UBR1: variants seen among roughly 807,000 people sequenced by gnomAD.
UBR1 encodes the protein E3 ubiquitin-protein ligase UBR1.
Under a neutral mutation model 242.1 loss-of-function variants are expected in UBR1, and 102 were observed. The observed-to-expected ratio is 0.42, with a 90% CI of 0.36 to 0.50. The LOEUF is 0.50. Ranked by LOEUF, UBR1 falls within the 20% of genes least tolerant of loss-of-function variation. UBR1 has a pLI of 0.01. For synonymous variants in UBR1, 675 were observed against 684.8 expected, an observed-to-expected ratio of 0.99 and a Z score of 0.22; for missense variants, 1,772 against 2,101.8, an observed-to-expected ratio of 0.84 and a Z score of 3.07.
rs879896059 is a variant in UBR1 at position 42,995,503 on chromosome 15, C to CA, written c.3757+2664dup. ...TGAAACCCCGTCTCTACTAAAAATA[C>CA]AAAAAAAAAAAAAAATTAGCTGGGC... is the stretch of plus-strand genomic sequence containing the variant. On this transcript the variant is annotated intron_variant, in intron 33 of 46. Transcript: ENST00000290650. Among the ~76,000 whole-genome samples, 633 of 94,014 alleles carry CA rather than the reference C, an allele frequency of 6.7e-3. 4 individuals carry two copies. Among genetic ancestry groups the CA allele is most frequent in the South Asian group, 0.027 (83 of 3,076 alleles). The allele number at this position is 94,014 out of a possible 152,430, so 61.7% of individuals were successfully genotyped here.
intron 37 of UBR1, among the ~76,000 whole-genome samples, chr15:42,982,791 G>A (rs921149926): frequency 9.9e-5 from 15 of 152,152 alleles, no homozygotes; most frequent in African/African-American, 2.9e-4. Flanking sequence ...GATTTAAAGC[G>A]TAAAAAATCT....
At position 43,025,433 on chromosome 15, in the gene UBR1, T is replaced by TA. The variant is rs762394570; in HGVS notation, c.2536-5dup. On this transcript the variant is annotated splice_region_variant and splice_polypyrimidine_tract_variant and intron_variant, in intron 23 of 46. Coordinates refer to ENST00000290650, the MANE Select transcript of UBR1 (RefSeq NM_174916.3). ...TTTTCTTCTGCATATGTTCAGCCTATAAAAAAATCTATCATTAAATATACT... is the reference window on the plus strand; with the variant it reads ...TTTTCTTCTGCATATGTTCAGCCTATAAAAAAAATCTATCATTAAATATACT... 15 of 1,598,160 alleles carry TA rather than the reference T, an allele frequency of 9.4e-6. No individual in the cohort carries two copies. The highest frequency in any genetic ancestry group is 8.4e-5 in the Admixed American group (5 of 59,612).
At chr15:43,034,719 C>T (rs561980922) in intron 19 of UBR1, among the ~76,000 whole-genome samples, 4 of 151,814 alleles carry the variant, frequency 2.6e-5, no homozygotes, top group Non-Finnish European at 5.9e-5. Flanking sequence ...AACCCTGTCT[C>T]TACTAAAAAT....
At chr15:43,037,470 A>C (rs1329510208) in intron 17 of UBR1, among the ~76,000 whole-genome samples, 1 of 152,196 alleles carries the variant, frequency 6.6e-6, no homozygotes, top group Non-Finnish European at 1.5e-5. Context: ...GGAAAGACTA[A>C]AGGCCTCTAA....
At chr15:43,029,025 C>T (rs1247786192) in intron 21 of UBR1, among the ~76,000 whole-genome samples, 1 of 152,096 alleles carries the variant, frequency 6.6e-6, no homozygotes, top group Non-Finnish European at 1.5e-5. Context: ...ACGGAGGTTG[C>T]AGTGAGCCAA....
At position 43,038,205 on chromosome 15, in the gene UBR1, C is replaced by T; in HGVS notation, c.1877G>A (p.Gly626Asp). 1 of 1,614,046 alleles carries T rather than the reference C, an allele frequency of 6.2e-7. No individual in the cohort carries two copies. The highest frequency in any genetic ancestry group is 1.1e-5 in the South Asian group (1 of 91,080). The change falls in exon 16 of 47, where the codon GGT becomes GAT. Residue 626 changes from glycine (G) to aspartate (D), a missense_variant. By Grantham distance (94) the Gly-to-Asp change is moderately conservative. This residue lies in a region of UBR1 where 734 missense variants were observed against 893.3 expected (regional missense o/e 0.82). Transcript: ENST00000290650. ...AAATTCATGCAGTCTTGAAACAGCA[C>T]CCAGCCTGCTTAAACGTACATGAAG... ...AGLHVRLSRLGAVSRLHEFVS... is the reference protein window; with the variant it reads ...AGLHVRLSRLDAVSRLHEFVS...
chr15:43,059,986 T>C (rs1205077304), intron 7 of UBR1, 66 bp downstream of exon 7: 49 of 1,584,660 alleles, frequency 3.1e-5, no homozygotes, highest in Non-Finnish European at 4.2e-5. Flanking sequence ...CAAATTATTC[T>C]ACTTGGGCTC....
chr15:43,078,136 AC>A lies in UBR1; in HGVS notation c.418-3048del, dbSNP rs367888434. 2.8e-4 allele frequency among the ~76,000 whole-genome samples: 42 copies of A among 152,318 alleles called. No individual in the cohort carries two copies. In the Middle Eastern group the frequency reaches 0.01, roughly 37 times the overall value. On this transcript the variant is annotated intron_variant, in intron 3 of 46. Transcript: ENST00000290650. ...AAACACTGAAACACAGAAAAAAGTCACCCCCAAAAGAGAAAGCCCAATGCTA... is the reference window on the plus strand; with the variant it reads ...AAACACTGAAACACAGAAAAAAGTCACCCCAAAAGAGAAAGCCCAATGCTA...
chr15:43,105,902 C>T (rs372429045), intron 1 of UBR1, 40 bp downstream of exon 1: 8 of 1,596,044 alleles, frequency 5.0e-6, no homozygotes, highest in Non-Finnish European at 6.0e-6. Context: ...TAGGGAGGGA[C>T]CGGGGGGAGG....
At position 43,023,598 on chromosome 15, in the gene UBR1, C is replaced by CAA. The variant is rs35071600; in HGVS notation, c.2740-799_2740-798dup. On this transcript the variant is annotated intron_variant, in intron 25 of 46. Coordinates refer to ENST00000290650, the MANE Select transcript of UBR1 (RefSeq NM_174916.3). ...CTGGGTGACAAGTGAAACTCCATCT[C>CAA]AAAAAAAAAAAAAAAAAAAAAAAAA... 4.4e-3 allele frequency among the ~76,000 whole-genome samples: 176 copies of CAA among 39,990 alleles called. 10 individuals are homozygous for CAA. Among genetic ancestry groups the CAA allele is most frequent in the African/African-American group, 0.018 (144 of 8,010 alleles). The allele number at this position is 39,990 out of a possible 152,430, so 26.2% of individuals were successfully genotyped here.
rs1316102091 is a variant in UBR1, at chr15:43,076,224, C to T, written c.418-1135G>A. On this transcript the variant is annotated intron_variant, in intron 3 of 46. Transcript: ENST00000290650. ...CTCCAGCCCCTAACCGCGAGTGATC[C>T]GCCAGCCTCGGCCTCCCGAGGCGCC... Among the ~76,000 whole-genome samples, 4 of 152,044 alleles carry T rather than the reference C, an allele frequency of 2.6e-5. No individual in the cohort carries two copies. The East Asian group carries it at 7.7e-4, about 29-fold the overall frequency.
chr15:43,022,392 C>G (rs1838015825), intron 26 of UBR1, among the ~76,000 whole-genome samples: 1 of 147,894 alleles, frequency 6.8e-6, no homozygotes, highest in Non-Finnish European at 1.5e-5. Flanking sequence ...TTTGATAATA[C>G]TGAGATGAGG....
At chr15:43,071,633 A>AT (rs1236432047) in intron 4 of UBR1, among the ~76,000 whole-genome samples, 8 of 152,226 alleles carry the variant, frequency 5.3e-5, no homozygotes, top group African/African-American at 1.9e-4. Context: ...ATGCTTAACC[A>AT]TAAAAAAAAA....
intron 21 of UBR1, among the ~76,000 whole-genome samples, chr15:43,029,729 C>A (rs554860418): frequency 2.1e-4 from 32 of 152,148 alleles, no homozygotes; most frequent in Non-Finnish European, 3.8e-4. Context: ...CTTTTTTCCT[C>A]TGGAGTAATC....
chr15:43,011,887 A>C, intron 29 of UBR1: 1 of 451,772 alleles, frequency 2.2e-6, no homozygotes, highest in South Asian at 1.6e-5. Context: ...CTATTATATA[A>C]CCACATCAGA....
chr15:43,094,201 G>A (rs529343643), intron 1 of UBR1, among the ~76,000 whole-genome samples: 1 of 152,194 alleles, frequency 6.6e-6, no homozygotes, highest in African/African-American at 2.4e-5. Flanking sequence ...AGGCTGAGGC[G>A]GGCGGATTAC....
intron 4 of UBR1, among the ~76,000 whole-genome samples, chr15:43,072,154 CATA>C (rs1224555669): frequency 6.6e-6 from 1 of 151,750 alleles, no homozygotes; most frequent in Non-Finnish European, 1.5e-5. Flanking sequence ...ACCCAGCCAC[CATA>C]ATAAGCTTTT....
intron 26 of UBR1, among the ~76,000 whole-genome samples, 184 bp downstream of exon 26, chr15:43,022,518 T>A (rs1596105898): frequency 6.6e-6 from 1 of 151,716 alleles, no homozygotes; most frequent in African/African-American, 2.4e-5. Context: ...TATATTAGTA[T>A]ACTTGAAAAT....
intron 21 of UBR1, among the ~76,000 whole-genome samples, chr15:43,028,169 C>T (rs1030333848): frequency 6.6e-6 from 1 of 152,260 alleles, no homozygotes; most frequent in African/African-American, 2.4e-5. Flanking sequence ...GTTCATCACC[C>T]TCATCATTTA....
Sources: gnomAD v4.1 joint callset for allele counts (sites outside exome capture counted in the v4.1 genomes callset) on GRCh38, gnomAD v4.1.1 for gene constraint, gnomAD v4.1.1 regional missense constraint, MANE v1.5 for transcripts, NCBI Gene and HGNC (gene_info 2026-07-23, HGNC 2026-07-21) for gene names.